Variants in RARB observed in about 807,000 individuals in gnomAD.
The protein encoded by RARB is HBV-activated protein.
Under a neutral mutation model 51.9 loss-of-function variants are expected in RARB, and 17 were observed. The ratio of observed to expected loss-of-function variants is 0.33; its 90% CI spans 0.22 to 0.49. The LOEUF is 0.49. RARB is among the 20% of genes least tolerant of loss of function. The pLI is 0.99. For synonymous variants in RARB, 215 were observed against 195.4 expected (o/e 1.10, Z -0.84); for missense variants, 369 against 550.8 (o/e 0.67, Z 3.30).
chr3:25,221,350 T>C (rs1174333325), intron 5 of RARB, among the ~76,000 whole-genome samples: 2 of 152,250 alleles, frequency 1.3e-5, no homozygotes, highest in Admixed American at 6.5e-5. Context: ...GCTACTAAGG[T>C]AGCTTTATGT....
At chr3:25,432,935 A>G (rs188327883) in intron 1 of RARB, among the ~76,000 whole-genome samples, 115 of 152,358 alleles carry the variant, frequency 7.5e-4, no homozygotes, top group Non-Finnish European at 1.3e-3. Flanking sequence ...AATAAATGCA[A>G]TGTTCATTTT....
intron 2 of RARB, among the ~76,000 whole-genome samples, chr3:25,500,886 G>A (rs533466637): frequency 6.6e-6 from 1 of 152,234 alleles, no homozygotes; most frequent in East Asian, 1.9e-4. Flanking sequence ...AGCTAAGCCT[G>A]TTTGGAGGGA....
At chr3:25,139,035 G>C (rs892165318) in intron 4 of RARB, among the ~76,000 whole-genome samples, 1 of 152,080 alleles carries the variant, frequency 6.6e-6, no homozygotes, top group African/African-American at 2.4e-5. Flanking sequence ...AGGGCACAAA[G>C]AACCATGCCC....
At chr3:24,978,140 G>T (rs9682454) in intron 2 of RARB, among the ~76,000 whole-genome samples, 1 of 151,924 alleles carries the variant, frequency 6.6e-6, no homozygotes, top group Admixed American at 6.6e-5. Context: ...ATGTGCTGCT[G>T]GATTCAGTTT....
intron 2 of RARB, among the ~76,000 whole-genome samples, chr3:24,950,637 G>A (rs948578592): frequency 2.0e-5 from 3 of 151,412 alleles, no homozygotes; most frequent in African/African-American, 7.3e-5. Context: ...TGTTTGCTAT[G>A]TGCACAGCTA....
At chr3:25,332,636 C>T (rs1704936313) in intron 5 of RARB, among the ~76,000 whole-genome samples, 1 of 152,190 alleles carries the variant, frequency 6.6e-6, no homozygotes, top group African/African-American at 2.4e-5. Context: ...TGACCTCTCT[C>T]ACCACTCCTA....
At chr3:25,192,231 A>G (rs1390849263) in intron 5 of RARB, among the ~76,000 whole-genome samples, 2 of 152,164 alleles carry the variant, frequency 1.3e-5, no homozygotes, top group African/African-American at 2.4e-5. Flanking sequence ...TAATTTATAC[A>G]TAAGACTGAA....
intron 3 of RARB, among the ~76,000 whole-genome samples, chr3:25,088,354 T>C (rs1209879503): frequency 1.3e-5 from 2 of 152,190 alleles, no homozygotes; most frequent in African/African-American, 2.4e-5. Flanking sequence ...AAGAGTTTTA[T>C]TCGGTCTCAA....
At chr3:25,258,771 G>T (rs1702928092) in intron 5 of RARB, among the ~76,000 whole-genome samples, 1 of 152,112 alleles carries the variant, frequency 6.6e-6, no homozygotes, top group Admixed American at 6.6e-5. Flanking sequence ...GAAGCAGAAG[G>T]TTAAGCAGCA....
intron 2 of RARB, among the ~76,000 whole-genome samples, chr3:25,480,796 G>C (rs1039671136): frequency 6.6e-6 from 1 of 152,152 alleles, no homozygotes; most frequent in Non-Finnish European, 1.5e-5. Flanking sequence ...AGTAGAGGGT[G>C]GTGGGGAGTG....
At chr3:24,917,882 T>G (rs1318166349) in intron 2 of RARB, among the ~76,000 whole-genome samples, 2 of 152,188 alleles carry the variant, frequency 1.3e-5, no homozygotes, top group Non-Finnish European at 2.9e-5. Flanking sequence ...CTAGAATGAT[T>G]ATAAGTAAAG....
intron 2 of RARB, among the ~76,000 whole-genome samples, chr3:24,917,641 CT>C (rs1235510970): frequency 6.6e-6 from 1 of 152,222 alleles, no homozygotes; most frequent in Non-Finnish European, 1.5e-5. Context: ...AGCGATTCTC[CT>C]GCCTCAGCCT....
chr3:25,022,340 T>G (rs1343105221), intron 2 of RARB, among the ~76,000 whole-genome samples: 1 of 152,238 alleles, frequency 6.6e-6, no homozygotes, highest in African/African-American at 2.4e-5. Flanking sequence ...TAGCTTGTGT[T>G]TTTTTGTGTG....
rs143909134 is a variant in RARB at position 25,347,634 on chromosome 3, G to C, written c.179-113559G>C. ...CCAAAAGGCATGGAAAGGTATCATG[G>C]TACCAGAAACTTCAGGTTTAGACAT... On this transcript the variant is annotated intron_variant, in intron 5 of 11. Coordinates refer to the RARB transcript ENST00000383772. 4.4e-4 allele frequency among the ~76,000 whole-genome samples: 67 copies of C among 152,310 alleles called. 1 individual carries two copies. The East Asian group carries it at 0.012, about 27-fold the overall frequency.
chr3:25,178,752 C>T (rs1047747494), intron 5 of RARB, among the ~76,000 whole-genome samples: 2 of 152,078 alleles, frequency 1.3e-5, no homozygotes, highest in African/African-American at 4.8e-5. Flanking sequence ...GAGAGAGTGC[C>T]GCCGTACTGC....
At chr3:25,033,901 G>T (rs535582625) in intron 2 of RARB, among the ~76,000 whole-genome samples, 26 of 152,310 alleles carry the variant, frequency 1.7e-4, no homozygotes, top group African/African-American at 6.3e-4. Context: ...TGTTCTCCCA[G>T]ACCTTTTCTC....
At chr3:25,408,660 G>A (rs1462603024) in intron 5 of RARB, among the ~76,000 whole-genome samples, 1 of 152,108 alleles carries the variant, frequency 6.6e-6, no homozygotes, top group African/African-American at 2.4e-5. Flanking sequence ...TTAAAGAATT[G>A]CTAAGGGAAG....
intron 5 of RARB, among the ~76,000 whole-genome samples, chr3:25,191,737 G>A (rs1382919612): frequency 2.6e-5 from 4 of 152,070 alleles, no homozygotes; most frequent in Admixed American, 2.0e-4. Flanking sequence ...GAAATTCTCT[G>A]TTCCCAAATT....
intron 5 of RARB, among the ~76,000 whole-genome samples, chr3:25,289,375 C>G (rs1575286586): frequency 6.6e-6 from 1 of 152,300 alleles, no homozygotes; most frequent in African/African-American, 2.4e-5. Context: ...ACAGAGTATC[C>G]TTTTTCCCTG....
Sources: gnomAD v4.1 joint callset for allele counts (sites outside exome capture counted in the v4.1 genomes callset) on GRCh38, gnomAD v4.1.1 for gene constraint, MANE v1.5 for transcripts, NCBI Gene and HGNC (gene_info 2026-07-23, HGNC 2026-07-21) for gene names.